Variants in C2orf49 observed in about 807,000 individuals in gnomAD.
The protein encoded by C2orf49 is tRNA-splicing ligase complex subunit ASW.
A neutral mutation model predicts 20.6 loss-of-function variants in C2orf49; 11 were observed. That is an observed-to-expected ratio of 0.53 (90% CI 0.34 to 0.88). The LOEUF (loss-of-function observed/expected upper bound fraction) is 0.88, where lower values mean the gene tolerates loss of function less well. C2orf49 is among the 40% of genes least tolerant of loss of function. The probability of loss-of-function intolerance (pLI) is 0.02; values close to 1 mark genes in which losing one functional copy is unlikely to be tolerated. For missense variants in C2orf49, 289 were observed against 274.2 expected, an observed-to-expected ratio of 1.05 and a Z score of -0.38; for synonymous variants, 134 against 108.5, an observed-to-expected ratio of 1.24 and a Z score of -1.46.
At chr2:105,343,641 T>TA (rs1679733911) in intron 3 of C2orf49, among the ~76,000 whole-genome samples, 1 of 152,196 alleles carries the variant, frequency 6.6e-6, no homozygotes. Flanking sequence ...TGTTTGTGCA[T>TA]ACCTTAAAAC....
At chr2:105,355,232 G>C in the C2orf49 span, among the ~76,000 whole-genome samples, 2 of 152,290 alleles carry the variant, frequency 1.3e-5, no homozygotes, top group Admixed American at 6.5e-5. Flanking sequence ...AATAGGAAAG[G>C]GAAAGGGGAC....
chr2:105,353,590 C>G (rs552971053), downstream of C2orf49, among the ~76,000 whole-genome samples: 79 of 152,278 alleles, frequency 5.2e-4, no homozygotes, highest in Non-Finnish European at 8.1e-4. Flanking sequence ...TTTCTGATTT[C>G]TAGTGTGTTG....
chr2:105,339,842 A>G, intron 2 of C2orf49, 93 bp downstream of exon 2: 7 of 1,172,442 alleles, frequency 6.0e-6, no homozygotes, highest in East Asian at 5.4e-5. Flanking sequence ...TTAAGTAAAA[A>G]ATTTATTTAC....
At chr2:105,375,139 G>GTA in the C2orf49 span, 1 of 145,796 alleles carries the variant, frequency 6.9e-6, no homozygotes, top group Non-Finnish European at 1.6e-5. Context: ...AAGTATGTGT[G>GTA]TGTGTGTGTG....
Position 105,347,023 on chromosome 2 carries a change from TAAAC to T in C2orf49, c.*1655_*1658del, listed in dbSNP as rs1432603264. Reference sequence around the variant, plus strand: ...TAGTCTTATTCCTCTTTTGATTTGTTAAACAAGCATTTTAGTTCAGCTATTGAAT... The same window carrying T: ...TAGTCTTATTCCTCTTTTGATTTGTTAAGCATTTTAGTTCAGCTATTGAAT... On this transcript the variant is annotated 3_prime_UTR_variant, in exon 4 of 4. Coordinates refer to ENST00000258457, the MANE Select transcript of C2orf49 (RefSeq NM_024093.3). 1.3e-5 allele frequency: 2 copies of T among 152,248 alleles called. No homozygotes were observed. The highest frequency in any genetic ancestry group is 4.8e-5 in the African/African-American group (2 of 41,474). 9.4% of individuals were successfully genotyped at this position (152,248 alleles called of 1,614,324 possible).
At chr2:105,361,398 C>T in the C2orf49 span, 97 of 1,614,056 alleles carry the variant, frequency 6.0e-5, no homozygotes, top group Non-Finnish European at 7.4e-5. Flanking sequence ...ATGCCACTGC[C>T]GTTCCTCAAA....
chr2:105,343,772 G>A (rs1426222482), intron 3 of C2orf49, among the ~76,000 whole-genome samples: 1 of 152,132 alleles, frequency 6.6e-6, no homozygotes, highest in East Asian at 1.9e-4. Flanking sequence ...CCACTATGTT[G>A]AATCATTTGG....
At chr2:105,382,157 A>G in the C2orf49 span, among the ~76,000 whole-genome samples, 1 of 152,236 alleles carries the variant, frequency 6.6e-6, no homozygotes, top group African/African-American at 2.4e-5. Flanking sequence ...CATCACTTCA[A>G]TGTTTCCTAT....
the C2orf49 span, among the ~76,000 whole-genome samples, chr2:105,368,549 A>G: frequency 6.6e-6 from 1 of 152,156 alleles, no homozygotes; most frequent in South Asian, 2.1e-4. Context: ...AACCTACGCC[A>G]TCCATTGTCT....
chr2:105,373,848 C>G, the C2orf49 span: 1 of 851,428 alleles, frequency 1.2e-6, no homozygotes. Flanking sequence ...TGGGCCGAGG[C>G]ACCCTGGCGC....
the C2orf49 span, chr2:105,374,205 G>C: frequency 4.7e-6 from 1 of 213,396 alleles, no homozygotes; most frequent in South Asian, 8.1e-5. Context: ...GGAGGCCCAA[G>C]GACTGTTTGG....
chr2:105,368,224 T>G, the C2orf49 span, among the ~76,000 whole-genome samples: 1 of 152,206 alleles, frequency 6.6e-6, no homozygotes, highest in Admixed American at 6.5e-5. Context: ...CCTGATTCAG[T>G]GAGCAGCCTC....
intron 3 of C2orf49, among the ~76,000 whole-genome samples, chr2:105,343,883 G>A (rs1281833812): frequency 1.3e-5 from 2 of 151,612 alleles, no homozygotes; most frequent in South Asian, 2.1e-4. Flanking sequence ...AGGCGCTTCA[G>A]AAAAGTGCTT....
downstream of C2orf49, among the ~76,000 whole-genome samples, chr2:105,352,605 C>T (rs1679964891): frequency 1.3e-5 from 2 of 151,714 alleles, no homozygotes; most frequent in Admixed American, 6.6e-5. Flanking sequence ...CCACCACACC[C>T]GGCTAATTTT....
chr2:105,373,567 A>C, the C2orf49 span: 1 of 1,614,200 alleles, frequency 6.2e-7, no homozygotes, highest in Non-Finnish European at 8.5e-7. Flanking sequence ...ACCTGGCATG[A>C]TGGTCTTCTT....
At chr2:105,373,666 A>C in the C2orf49 span, 6 of 1,614,110 alleles carry the variant, frequency 3.7e-6, no homozygotes, top group Non-Finnish European at 5.1e-6. Flanking sequence ...CTTGTCCACC[A>C]GTGAGTTTCT....
chr2:105,375,037 A>G, the C2orf49 span, among the ~76,000 whole-genome samples: 1 of 152,292 alleles, frequency 6.6e-6, no homozygotes, highest in South Asian at 2.1e-4. Flanking sequence ...TGAATGTAGG[A>G]TGTGAAGACA....
downstream of C2orf49, among the ~76,000 whole-genome samples, chr2:105,350,822 C>T (rs547448259): frequency 9.3e-4 from 141 of 152,312 alleles, no homozygotes; most frequent in African/African-American, 3.3e-3. Context: ...ACATACCCCA[C>T]ACTGTTTCCC....
At chr2:105,355,275 A>C in the C2orf49 span, among the ~76,000 whole-genome samples, 1 of 152,232 alleles carries the variant, frequency 6.6e-6, no homozygotes, top group Non-Finnish European at 1.5e-5. Flanking sequence ...GCCGACTCTC[A>C]TACAGACTTG....
Sources: gnomAD v4.1 joint callset for allele counts (sites outside exome capture counted in the v4.1 genomes callset) on GRCh38, gnomAD v4.1.1 for gene constraint, MANE v1.5 for transcripts, NCBI Gene and HGNC (gene_info 2026-07-23, HGNC 2026-07-21) for gene names.